TINAG: variants seen among roughly 807,000 people sequenced by gnomAD.
The protein encoded by TINAG is tubulointerstitial nephritis antigen.
In TINAG, 83 loss-of-function variants were observed where a neutral mutation model predicts 72.7. The observed-to-expected ratio is 1.14, with a 90% confidence interval of 0.96 to 1.37. TINAG has a LOEUF of 1.37. TINAG is among the 40% of genes most tolerant of loss of function. The pLI is 0.00. For synonymous variants in TINAG, 234 were observed against 189.9 expected, an observed-to-expected ratio of 1.23 and a Z score of -1.91; for missense variants, 685 against 576.6, an observed-to-expected ratio of 1.19 and a Z score of -1.93.
intron 3 of TINAG, among the ~76,000 whole-genome samples, chr6:54,326,020 C>G (rs1784594594): frequency 6.6e-6 from 1 of 151,904 alleles, no homozygotes; most frequent in Admixed American, 6.6e-5. Flanking sequence ...ATATATTGAC[C>G]TAAAGTGGTA....
chr6:54,330,580 G>A (rs1355682915), intron 4 of TINAG, among the ~76,000 whole-genome samples: 2 of 152,040 alleles, frequency 1.3e-5, no homozygotes, highest in Non-Finnish European at 2.9e-5. Flanking sequence ...TCAAAAGCTA[G>A]CAGAAGACGA....
In TINAG at chr6:54,347,380, C is replaced by T. The variant is rs1179481368; in HGVS notation, c.762C>T (p.Asp254=). The change falls in exon 6 of 11, where the codon GAC becomes GAT. Residue 254 remains aspartate (D), a synonymous_variant. Transcript: ENST00000259782. ...WAFSTASVAA[D]RIAIQSKGRY... ...TATTTGAAACAGGTGTGGCTGCTGA[C>T]CGAATAGCAATTCAGTCTAAGGGTC... 6.2e-7 allele frequency: 1 copy of T among 1,612,472 alleles called. No individual in the cohort carries two copies. The highest frequency in any genetic ancestry group is 1.7e-5 in the Admixed American group (1 of 59,804).
chr6:54,337,700 T>C (rs903351869), intron 4 of TINAG, among the ~76,000 whole-genome samples: 4 of 152,160 alleles, frequency 2.6e-5, no homozygotes, highest in Non-Finnish European at 5.9e-5. Flanking sequence ...CACAGTTATA[T>C]ACTTTTTATA....
intron 9 of TINAG, among the ~76,000 whole-genome samples, chr6:54,359,669 C>T (rs566477850): frequency 2.1e-4 from 32 of 151,852 alleles, no homozygotes; most frequent in African/African-American, 7.5e-4. Flanking sequence ...ACTTTACTCA[C>T]GTAACAATTA....
intron 1 of TINAG, among the ~76,000 whole-genome samples, chr6:54,310,484 TTC>T (rs1302424375): frequency 1.0e-5 from 1 of 95,330 alleles, no homozygotes; most frequent in Non-Finnish European, 2.6e-5. Flanking sequence ...CTCCCTCTCT[TTC>T]TTTCTTTTCT....
chr6:54,336,757 G>A (rs1386148139), intron 4 of TINAG, among the ~76,000 whole-genome samples: 1 of 151,952 alleles, frequency 6.6e-6, no homozygotes, highest in Non-Finnish European at 1.5e-5. Flanking sequence ...TGTCTAAGGT[G>A]GAACTATTTG....
intron 6 of TINAG, among the ~76,000 whole-genome samples, chr6:54,348,915 C>T (rs1785194318): frequency 6.6e-6 from 1 of 151,986 alleles, no homozygotes; most frequent in African/African-American, 2.4e-5. Flanking sequence ...TTTCATGAAC[C>T]AATCCTTGTG....
intron 3 of TINAG, among the ~76,000 whole-genome samples, chr6:54,324,151 A>G (rs1784553497): frequency 6.6e-6 from 1 of 152,228 alleles, no homozygotes; most frequent in Admixed American, 6.5e-5. Context: ...CTGCTGCTGT[A>G]TAACAAACCA....
chr6:54,389,645 C>T, intron 10 of TINAG, 146 bp from the exon 11 acceptor site: 1 of 977,340 alleles, frequency 1.0e-6, no homozygotes, highest in Non-Finnish European at 1.4e-6. Flanking sequence ...ATAATACAAC[C>T]ATTATTTAAA....
intron 9 of TINAG, among the ~76,000 whole-genome samples, chr6:54,356,535 A>C (rs1316513319): frequency 6.6e-6 from 1 of 151,846 alleles, no homozygotes; most frequent in African/African-American, 2.4e-5. Flanking sequence ...AAAAAACAAA[A>C]ATTCCCAAAT....
chr6:54,354,527 C>G lies in TINAG; in HGVS notation c.1141C>G (p.Arg381Gly). The stretch of plus-strand genomic sequence containing the variant: ...TTTTATTTTAGCCATAATGCAAGTC[C>G]GTGAAGATTTCTTCCATTATAAGAC... ...NGPVQAIMQV[R>G]EDFFHYKTGI... is the part of the protein sequence containing the mutation. Residue 381 changes from arginine (R) to glycine (G), a missense_variant, in exon 9 of 11, where the codon CGT becomes GGT. Arg to Gly is a moderately radical substitution (Grantham distance 125). Transcript: ENST00000259782. 1 of 1,604,376 alleles carries G rather than the reference C, an allele frequency of 6.2e-7. No homozygotes were observed. Among genetic ancestry groups the G allele is most frequent in the Non-Finnish European group, 8.5e-7 (1 of 1,175,634 alleles).
chr6:54,372,727 C>CATATATATATATATATATAT (rs67301819), intron 9 of TINAG, among the ~76,000 whole-genome samples: 2 of 133,950 alleles, frequency 1.5e-5, no homozygotes, highest in Admixed American at 8.9e-5. Context: ...TAAATACATA[C>CATATATATATATATATATAT]ATATATATAT....
At chr6:54,373,648 A>G (rs1763695682) in intron 9 of TINAG, among the ~76,000 whole-genome samples, 1 of 152,132 alleles carries the variant, frequency 6.6e-6, no homozygotes, top group South Asian at 2.1e-4. Context: ...CAATTCTACC[A>G]TTAGCTGACA....
chr6:54,322,621 G>A (rs1204505870), intron 3 of TINAG, among the ~76,000 whole-genome samples: 1 of 152,148 alleles, frequency 6.6e-6, no homozygotes, highest in East Asian at 1.9e-4. Context: ...CCAGCATAAT[G>A]GGGACACTAA....
At chr6:54,308,320 A>T (rs530794780), upstream of TINAG, 24 of 642,910 alleles carry the variant, frequency 3.7e-5, no homozygotes, top group Admixed American at 2.4e-4. Flanking sequence ...TAAGTTTTTT[A>T]ACTTTGGGGG....
rs74780577 is a variant in TINAG, at chr6:54,346,781, A to T, written c.749-586A>T. On this transcript the variant is annotated intron_variant, in intron 5 of 10. Transcript: ENST00000259782. ...CTATGTAGCCTTTAGATACTGTATAAGATAGATTCATATTAGTCTGGATTA... is the reference window on the plus strand; with the variant it reads ...CTATGTAGCCTTTAGATACTGTATATGATAGATTCATATTAGTCTGGATTA... 9.2e-3 allele frequency among the ~76,000 whole-genome samples: 1,400 copies of T among 152,110 alleles called. 32 individuals carry two copies. The highest frequency in any genetic ancestry group is 0.053 in the East Asian group (272 of 5,170).
chr6:54,361,128 A>G lies in TINAG; in HGVS notation c.1250+6492A>G, dbSNP rs1475131927. 4.7e-5 allele frequency among the ~76,000 whole-genome samples: 7 copies of G among 149,108 alleles called. 1 individual carries two copies. Among genetic ancestry groups the G allele is most frequent in the Non-Finnish European group, 1.0e-4 (7 of 66,944 alleles). On this transcript the variant is annotated intron_variant, in intron 9 of 10. Coordinates refer to ENST00000259782, the MANE Select transcript of TINAG (RefSeq NM_014464.4). Reference sequence around the variant, plus strand: ...ATTGTTAAATATTGTGTATGTTCTAACTCTTCTATCAATGGGGCGTTCTCC... The same window carrying G: ...ATTGTTAAATATTGTGTATGTTCTAGCTCTTCTATCAATGGGGCGTTCTCC...
chr6:54,314,550 A>G (rs75813281), intron 1 of TINAG, among the ~76,000 whole-genome samples: 1 of 152,164 alleles, frequency 6.6e-6, no homozygotes, highest in Non-Finnish European at 1.5e-5. Flanking sequence ...ACAAAAAAAA[A>G]GAGTAGAGAA....
chr6:54,320,548 A>ATT, intron 1 of TINAG, 31 bp from the exon 2 acceptor site: 1 of 1,560,502 alleles, frequency 6.4e-7, no homozygotes, highest in Non-Finnish European at 8.7e-7. Context: ...TTAGTTTAGC[A>ATT]TTTTCATTTC....
Sources: allele counts gnomAD v4.1 joint callset (sites outside exome capture counted in the v4.1 genomes callset), GRCh38; gene constraint gnomAD v4.1.1; transcripts MANE v1.5; gene names NCBI Gene and HGNC (gene_info 2026-07-23, HGNC 2026-07-21).